The following CSMD1 variants were observed in gnomAD, a reference collection of about 807,000 sequenced individuals.
CSMD1 encodes CUB and sushi domain-containing protein 1.
CSMD1 carries 213 observed loss-of-function variants against 417.5 expected under a neutral mutation model. The ratio of observed to expected loss-of-function variants is 0.51; its 90% CI spans 0.46 to 0.57. CSMD1 has a LOEUF of 0.57. Ranked by LOEUF, CSMD1 falls within the 20% of genes least tolerant of loss-of-function variation. CSMD1 has a pLI of 0.00. For synonymous variants in CSMD1, 2,862 were observed against 1,736.8 expected (o/e 1.65, Z -16.11); for missense variants, 6,923 against 4,529.7 (o/e 1.53, Z -15.17).
intron 23 of CSMD1, among the ~76,000 whole-genome samples, chr8:3,316,049 C>G (rs1355146437): frequency 6.6e-6 from 1 of 152,084 alleles, no homozygotes; most frequent in East Asian, 1.9e-4. Flanking sequence ...CACGTATGTT[C>G]TCTGTTGAGG....
Position 3,269,852 on chromosome 8 carries a change from AC to A in CSMD1, c.4153+14291del, listed in dbSNP as rs751894874. On this transcript the variant is annotated intron_variant, in intron 26 of 69. Transcript: ENST00000635120. The stretch of plus-strand genomic sequence containing the variant: ...CTGTGCAGAGCTGGCAGGACAGTGG[AC>A]CTTTAATGGGGTTTGGATATCTCAT... 9.2e-5 allele frequency among the ~76,000 whole-genome samples: 14 copies of A among 152,174 alleles called. 1 individual carries two copies. The East Asian group carries it at 2.3e-3, about 25-fold the overall frequency.
In CSMD1 at chr8:3,889,590, T is replaced by G. The variant is rs956634457; in HGVS notation, c.818+108313A>C. 2.7e-5 allele frequency among the ~76,000 whole-genome samples: 4 copies of G among 149,512 alleles called. No individual in the cohort carries two copies. The Admixed American group carries it at 2.7e-4, about 10-fold the overall frequency. On this transcript the variant is annotated intron_variant, in intron 5 of 69. Coordinates refer to ENST00000635120, the MANE Select transcript of CSMD1 (RefSeq NM_033225.6). Reference sequence around the variant, plus strand: ...GTGTGTATGTGTATGTATACATATATGCTCATTAGGTCATAAGTTCACTCA... The same window carrying G: ...GTGTGTATGTGTATGTATACATATAGGCTCATTAGGTCATAAGTTCACTCA...
intron 1 of CSMD1, among the ~76,000 whole-genome samples, chr8:4,976,896 A>T (rs550820806): frequency 3.8e-4 from 58 of 152,108 alleles, no homozygotes; most frequent in Non-Finnish European, 8.1e-4. Flanking sequence ...GTCAGCTATA[A>T]ACATAAAAAA....
intron 5 of CSMD1, among the ~76,000 whole-genome samples, chr8:3,799,492 A>G (rs1439072861): frequency 6.8e-6 from 1 of 146,950 alleles, no homozygotes; most frequent in Non-Finnish European, 1.5e-5. Flanking sequence ...TGAGACATGG[A>G]TTTGAAGAAG....
At chr8:4,500,615 G>C (rs1466390551) in intron 2 of CSMD1, among the ~76,000 whole-genome samples, 3 of 152,126 alleles carry the variant, frequency 2.0e-5, no homozygotes, top group African/African-American at 7.2e-5. Context: ...GGAACTGGTT[G>C]TTTTTGAGCG....
In CSMD1 at chr8:3,984,057, C is replaced by CAA. The variant is rs1563283738; in HGVS notation, c.818+13844_818+13845dup. Among the ~76,000 whole-genome samples, 25 of 116,838 alleles carry CAA rather than the reference C, an allele frequency of 2.1e-4. No homozygotes were observed. The East Asian group carries it at 3.6e-3, about 17-fold the overall frequency. 76.7% of individuals were successfully genotyped at this position (116,838 alleles called of 152,430 possible). A position where few individuals can be genotyped will look rare whatever the true frequency, so the allele number is the denominator to read the frequency against. ...CACACGGCAGATCTGATGGGGCTGT[C>CAA]AATTGCAGCTCTAGAGCACACCACA... On this transcript the variant is annotated intron_variant, in intron 5 of 69. Transcript: ENST00000635120.
At chr8:4,581,970 G>C (rs1218386412) in intron 2 of CSMD1, among the ~76,000 whole-genome samples, 1 of 152,022 alleles carries the variant, frequency 6.6e-6, no homozygotes, top group Non-Finnish European at 1.5e-5. Flanking sequence ...GCATTTGATG[G>C]AAGACAAACG....
intron 1 of CSMD1, among the ~76,000 whole-genome samples, chr8:4,758,428 G>T (rs116673041): frequency 1.6e-3 from 243 of 152,220 alleles, no homozygotes; most frequent in African/African-American, 5.6e-3. Flanking sequence ...ACACAAAATG[G>T]CATAAAGGTG....
At chr8:4,811,160 T>A (rs988270223) in intron 1 of CSMD1, among the ~76,000 whole-genome samples, 3 of 152,196 alleles carry the variant, frequency 2.0e-5, no homozygotes, top group East Asian at 1.9e-4. Context: ...TGTAGTGGCA[T>A]CAACCATCAC....
intron 3 of CSMD1, among the ~76,000 whole-genome samples, chr8:4,192,559 C>G (rs1349580048): frequency 1.3e-5 from 2 of 152,120 alleles, no homozygotes; most frequent in African/African-American, 4.8e-5. Flanking sequence ...TACATCAGCA[C>G]CAGCTAGTGG....
chr8:3,557,125 G>T (rs1799191562), intron 10 of CSMD1, among the ~76,000 whole-genome samples: 1 of 152,148 alleles, frequency 6.6e-6, no homozygotes. Context: ...ACCCACGACT[G>T]AGCTTCACTG....
intron 1 of CSMD1, among the ~76,000 whole-genome samples, chr8:4,903,555 GGT>G: frequency 1.3e-5 from 2 of 152,290 alleles, no homozygotes; most frequent in Admixed American, 1.3e-4. Flanking sequence ...AGCAGCATGT[GGT>G]CTCTCTGGTG....
At position 3,999,985 on chromosome 8, in the gene CSMD1, G is replaced by A. The variant is rs78199117; in HGVS notation, c.611-1875C>T. Among the ~76,000 whole-genome samples, 103 of 152,260 alleles carry A rather than the reference G, an allele frequency of 6.8e-4. No individual in the cohort carries two copies. The East Asian group carries it at 0.015, about 22-fold the overall frequency. On this transcript the variant is annotated intron_variant, in intron 4 of 69. Transcript: ENST00000635120. ...CAGATTATAAAAATTATGCTACCAC[G>A]GTAGTGTTTCCTTTTAAAAGTGTAA...
intron 3 of CSMD1, among the ~76,000 whole-genome samples, chr8:4,281,430 A>G (rs569966838): frequency 6.6e-6 from 1 of 152,322 alleles, no homozygotes; most frequent in East Asian, 1.9e-4. Context: ...AAGCTATGAA[A>G]TTAACACTTC....
At chr8:4,206,983 A>C (rs11781180) in intron 3 of CSMD1, among the ~76,000 whole-genome samples, 17,660 of 152,214 alleles carry the variant, frequency 0.12, 1,485 homozygotes, top group African/African-American at 0.23. Flanking sequence ...TAAAATTATA[A>C]ATCTATAAAA....
At chr8:4,776,440 G>C (rs1442454118) in intron 1 of CSMD1, among the ~76,000 whole-genome samples, 1 of 152,116 alleles carries the variant, frequency 6.6e-6, no homozygotes, top group Admixed American at 6.6e-5. Context: ...GGATCCTCAT[G>C]TTATATTAGG....
intron 5 of CSMD1, among the ~76,000 whole-genome samples, chr8:3,778,903 T>C (rs1321798302): frequency 6.6e-6 from 1 of 152,040 alleles, no homozygotes; most frequent in African/African-American, 2.4e-5. Context: ...AGGACAGGAG[T>C]TCCCGGATCA....
At chr8:3,679,430 G>C (rs1585063778) in intron 7 of CSMD1, among the ~76,000 whole-genome samples, 1 of 152,250 alleles carries the variant, frequency 6.6e-6, no homozygotes, top group African/African-American at 2.4e-5. Context: ...GATCAAAAGA[G>C]ACAAAGAAAG....
chr8:4,771,561 G>T (rs1056569814), intron 1 of CSMD1, among the ~76,000 whole-genome samples: 2 of 152,182 alleles, frequency 1.3e-5, no homozygotes, highest in Non-Finnish European at 2.9e-5. Context: ...TCTAAGGAAC[G>T]AAATCCTGAA....
Sources: gnomAD v4.1 joint callset for allele counts (sites outside exome capture counted in the v4.1 genomes callset) on GRCh38, gnomAD v4.1.1 for gene constraint, MANE v1.5 for transcripts, NCBI Gene and HGNC (gene_info 2026-07-23, HGNC 2026-07-21) for gene names.